The following UNC80 variants were observed in gnomAD, a reference collection of about 807,000 sequenced individuals.
The protein encoded by UNC80 is protein unc-80 homolog.
UNC80 carries 164 observed loss-of-function variants against 384.6 expected under a neutral mutation model. That is an observed-to-expected ratio of 0.43 (90% CI 0.38 to 0.49). The LOEUF is 0.49. Ranked by LOEUF, UNC80 falls within the 20% of genes least tolerant of loss-of-function variation. The pLI, the probability that UNC80 is intolerant of heterozygous loss-of-function variation, is 0.00. For synonymous variants in UNC80, 1,486 were observed against 1,527.8 expected (o/e 0.97, Z 0.64); for missense variants, 3,330 against 4,143.0 (o/e 0.80, Z 5.39).
intron 7 of UNC80, among the ~76,000 whole-genome samples, chr2:209,813,219 C>G (rs376554379): frequency 7.2e-5 from 11 of 152,294 alleles, no homozygotes; most frequent in African/African-American, 2.6e-4. Context: ...TTGTCCATCA[C>G]CCAAATTACT....
At chr2:209,876,907 A>G (rs2084833590) in intron 23 of UNC80, among the ~76,000 whole-genome samples, 1 of 152,142 alleles carries the variant, frequency 6.6e-6, no homozygotes, top group Admixed American at 6.5e-5. Context: ...ATGTCTTTTC[A>G]TTTAAAGAGT....
intron 12 of UNC80, 96 bp downstream of exon 12, chr2:209,819,357 G>T: frequency 8.2e-7 from 1 of 1,215,504 alleles, no homozygotes; most frequent in Non-Finnish European, 1.1e-6. Flanking sequence ...TAGATTCTTA[G>T]AAATATCAAA....
intron 43 of UNC80, 143 bp from the exon 44 acceptor site, chr2:209,941,078 G>A (rs2091598224): frequency 9.3e-7 from 1 of 1,072,450 alleles, no homozygotes; most frequent in African/African-American, 1.6e-5. Context: ...GTAATATTGT[G>A]CTGGAAAACA....
chr2:209,926,787 A>C, intron 35 of UNC80, 56 bp from the exon 36 acceptor site: 1 of 1,542,050 alleles, frequency 6.5e-7, no homozygotes, highest in African/African-American at 1.4e-5. Flanking sequence ...AAACAACAGT[A>C]GCAACAAAGA....
chr2:209,894,132 G>C (rs2086598984), intron 26 of UNC80, 31 bp from the exon 27 acceptor site: 1 of 984,112 alleles, frequency 1.0e-6, no homozygotes, highest in Admixed American at 6.1e-5. Flanking sequence ...CACTAGGGGG[G>C]AAAAAGCCCT....
At chr2:209,941,527 TGAG>T (rs1559367819) in intron 44 of UNC80, 38 bp downstream of exon 44, 2 of 1,503,816 alleles carry the variant, frequency 1.3e-6, no homozygotes. Flanking sequence ...AAAATTAACA[TGAG>T]TACTGCTCAT....
At chr2:209,919,949 C>T (rs375336619) in intron 33 of UNC80, among the ~76,000 whole-genome samples, 94 of 152,206 alleles carry the variant, frequency 6.2e-4, no homozygotes, top group African/African-American at 2.2e-3. Context: ...CAGTTCTTAC[C>T]TTATGCCTTA....
Position 209,976,926 on chromosome 2 carries a change from C to T in UNC80, c.8786C>T (p.Pro2929Leu). 1.3e-6 allele frequency: 2 copies of T among 1,516,120 alleles called. No individual in the cohort carries two copies. Among genetic ancestry groups the T allele is most frequent in the Non-Finnish European group, 8.9e-7 (1 of 1,117,838 alleles). 93.9% of individuals were successfully genotyped at this position (1,516,120 alleles called of 1,614,324 possible). The change falls in exon 58 of 65, where the codon CCA (proline) becomes CTA (leucine). Residue 2929 changes from proline (P) to leucine (L), a missense_variant. By Grantham distance (98) the Pro-to-Leu change is moderately conservative. Coordinates refer to ENST00000673920, the MANE Select transcript of UNC80 (RefSeq NM_001371986.1). This position sits in a 1 kb window ranked among gnomAD's most constrained non-coding sequence, Gnocchi z 4.3. ...PFIQCKLLAQ[P>L]AENHEELSAR... ...CCTTCCTTTCAGCTGCTGGCCCAACCAGCAGAGAATCATGAAGAGCTTTCC... is the reference window on the plus strand; with the variant it reads ...CCTTCCTTTCAGCTGCTGGCCCAACTAGCAGAGAATCATGAAGAGCTTTCC...
chr2:209,969,734 C>T, intron 52 of UNC80, 34 bp from the exon 53 acceptor site: 1 of 1,550,500 alleles, frequency 6.4e-7, no homozygotes, highest in Non-Finnish European at 8.7e-7. Flanking sequence ...CAGAAGGGAG[C>T]CAAGACGCTA....
intron 22 of UNC80, 124 bp downstream of exon 22, chr2:209,849,747 G>A (rs540635594): frequency 2.0e-6 from 2 of 1,021,020 alleles, no homozygotes; most frequent in African/African-American, 3.3e-5. Context: ...CAGAATTAGT[G>A]ATAAAAGGGG....
In UNC80 at chr2:209,877,994, G is replaced by A. The variant is rs1401755739; in HGVS notation, c.3881G>A (p.Ser1294Asn). ...VRLNELCHGESESPANLLGLI... is the reference protein window; with the variant it reads ...VRLNELCHGENESPANLLGLI... ...TTGAATGAGCTGTGCCACGGGGAAAGTGAGAGCCCAGCCAACCTGCTGGGT... is the reference window on the plus strand; with the variant it reads ...TTGAATGAGCTGTGCCACGGGGAAAATGAGAGCCCAGCCAACCTGCTGGGT... Residue 1294 changes from serine to asparagine, a missense_variant, in exon 24 of 65, where the codon AGT becomes AAT. Physicochemically the swap from Ser to Asn is conservative, Grantham distance 46. Coordinates refer to ENST00000673920, the MANE Select transcript of UNC80 (RefSeq NM_001371986.1). 6.5e-7 allele frequency: 1 copy of A among 1,543,308 alleles called. No individual in the cohort carries two copies. Among genetic ancestry groups the A allele is most frequent in the South Asian group, 1.2e-5 (1 of 82,714 alleles).
At chr2:209,897,451 G>T (rs995992160) in intron 28 of UNC80, among the ~76,000 whole-genome samples, 1 of 151,906 alleles carries the variant, frequency 6.6e-6, no homozygotes. Flanking sequence ...GTTGTGTCTG[G>T]TTCCTTTTCC....
At position 209,833,426 on chromosome 2, in the gene UNC80, A is replaced by G. The variant is rs2286853; in HGVS notation, c.2776-576A>G. Among the ~76,000 whole-genome samples, 986 of 152,358 alleles carry G rather than the reference A, an allele frequency of 6.5e-3. 46 individuals are homozygous for G. The highest frequency in any genetic ancestry group is 0.059 in the Admixed American group (901 of 15,304). On this transcript the variant is annotated intron_variant, in intron 16 of 64. Transcript: ENST00000673920. ...CCAATATATTGGTTTTAATAGCCCT[A>G]CGTCACCTTCAGTTTGTAGTCGAGT...
chr2:209,812,298 G>A (rs1007699860), intron 7 of UNC80, among the ~76,000 whole-genome samples: 6 of 151,206 alleles, frequency 4.0e-5, no homozygotes, highest in African/African-American at 1.5e-4. Context: ...CTGACCCCGT[G>A]ATCCGTCCGC....
At chr2:209,957,586 T>A in intron 48 of UNC80, 58 bp from the exon 49 acceptor site, 6 of 1,405,074 alleles carry the variant, frequency 4.3e-6, no homozygotes, top group African/African-American at 1.4e-5. Context: ...ATTTAATAAA[T>A]GTTTCCATTT....
At position 209,819,078 on chromosome 2, in the gene UNC80, T is replaced by A; in HGVS notation, c.1779T>A (p.Asn593Lys). The A allele has an allele frequency of 6.4e-7, 1 of 1,552,066 alleles. No individual in the cohort carries two copies. Among genetic ancestry groups the A allele is most frequent in the Non-Finnish European group, 8.7e-7 (1 of 1,147,094 alleles). Residue 593 changes from asparagine to lysine, a missense_variant, in exon 12 of 65, where the codon AAT (asparagine) becomes AAA (lysine). By Grantham distance (94) the Asn-to-Lys change is moderately conservative (BLOSUM62 0). Transcript: ENST00000673920. ...ACGTAGGCTATGCAGACTTTTTCAA[T>A]GAGCATATGAGGAAACTCTGCAACC... ...SFNVGYADFFNEHMRKLCNQV... is the reference protein window; with the variant it reads ...SFNVGYADFFKEHMRKLCNQV...
chr2:209,813,485 A>G, intron 7 of UNC80, 95 bp from the exon 8 acceptor site: 1 of 1,322,728 alleles, frequency 7.6e-7, no homozygotes, highest in Non-Finnish European at 1.0e-6. Context: ...ATGAATAACT[A>G]AACAAATGAG....
chr2:209,837,635 A>G (rs1279544755), intron 18 of UNC80, among the ~76,000 whole-genome samples: 1 of 152,230 alleles, frequency 6.6e-6, no homozygotes, highest in Non-Finnish European at 1.5e-5. Context: ...AATTATAATG[A>G]CTACAGAGTA....
At chr2:209,835,597 A>G (rs1212047565) in intron 18 of UNC80, among the ~76,000 whole-genome samples, 1 of 152,160 alleles carries the variant, frequency 6.6e-6, no homozygotes, top group South Asian at 2.1e-4. Context: ...GTTATCATAG[A>G]CACTAATTGT....
Sources: allele counts gnomAD v4.1 joint callset (sites outside exome capture counted in the v4.1 genomes callset), GRCh38; gene constraint gnomAD v4.1.1; non-coding constraint Gnocchi (gnomAD v3.1); transcripts MANE v1.5; gene names NCBI Gene and HGNC (gene_info 2026-07-23, HGNC 2026-07-21).